Variants in RGS7BP observed in about 807,000 individuals in gnomAD.
The protein encoded by RGS7BP is regulator of G protein signaling 7 binding protein, also known as regulator of G protein signaling 7-binding protein.
Under a neutral mutation model 31.3 loss-of-function variants are expected in RGS7BP, and 9 were observed. The observed-to-expected ratio is 0.29, with a 90% CI of 0.17 to 0.50. The LOEUF (loss-of-function observed/expected upper bound fraction) is 0.50. Ranked by LOEUF, RGS7BP falls within the 20% of genes least tolerant of loss-of-function variation. The probability of loss-of-function intolerance (pLI) is 0.98; values close to 1 mark genes in which losing one functional copy is unlikely to be tolerated. For missense variants in RGS7BP, 274 were observed against 322.0 expected (o/e 0.85, Z 1.14); for synonymous variants, 115 against 120.1 (o/e 0.96, Z 0.28).
At chr5:64,560,158 A>G (rs1742018776) in intron 2 of RGS7BP, among the ~76,000 whole-genome samples, 2 of 152,190 alleles carry the variant, frequency 1.3e-5, no homozygotes, top group South Asian at 4.1e-4. Context: ...CTTTAACCTT[A>G]TGGTACTTTC....
chr5:64,545,033 G>A (rs557567846), intron 2 of RGS7BP, among the ~76,000 whole-genome samples: 26 of 152,072 alleles, frequency 1.7e-4, no homozygotes, highest in East Asian at 1.2e-3. Context: ...AAAGTTAGCC[G>A]GGTGTGGTGG....
At chr5:64,567,339 C>A (rs906783282) in intron 2 of RGS7BP, among the ~76,000 whole-genome samples, 1 of 152,094 alleles carries the variant, frequency 6.6e-6, no homozygotes, top group Non-Finnish European at 1.5e-5. Context: ...TATAACTATA[C>A]AACTTGTCAT....
Position 64,506,273 on chromosome 5 carries a change from G to A in RGS7BP, c.-352G>A. ...CCCACCTGAATGGAAACTCGGAACC[G>A]CCGGGCGGCGCGTTCCTTCTCGCCC... On this transcript the variant is annotated 5_prime_UTR_variant, in exon 1 of 6. Transcript: ENST00000334025. The surrounding 1 kb of genome is among the most constrained non-coding windows in gnomAD (Gnocchi z 4.6). The A allele has an allele frequency of 5.1e-6, 1 of 194,338 alleles. No homozygotes were observed. The highest frequency in any genetic ancestry group is 1.2e-4 in the East Asian group (1 of 8,608). 12.0% of individuals were successfully genotyped at this position (194,338 alleles called of 1,614,324 possible).
chr5:64,560,047 A>G (rs1284848854), intron 2 of RGS7BP, among the ~76,000 whole-genome samples: 1 of 152,152 alleles, frequency 6.6e-6, no homozygotes, highest in Non-Finnish European at 1.5e-5. Context: ...ATTAAGCCAT[A>G]TTACATAGCA....
intron 3 of RGS7BP, among the ~76,000 whole-genome samples, chr5:64,586,561 C>A (rs1742759404): frequency 6.6e-6 from 1 of 152,188 alleles, no homozygotes; most frequent in Non-Finnish European, 1.5e-5. Flanking sequence ...CCAATGCCCA[C>A]TCAATGTGTC....
At chr5:64,535,848 T>A (rs985812384) in intron 2 of RGS7BP, among the ~76,000 whole-genome samples, 1 of 152,312 alleles carries the variant, frequency 6.6e-6, no homozygotes, top group Admixed American at 6.5e-5. Flanking sequence ...CAGCTTAATA[T>A]CAGCTTTGAA....
intron 2 of RGS7BP, among the ~76,000 whole-genome samples, chr5:64,564,301 C>A (rs1742120950): frequency 6.6e-6 from 1 of 152,128 alleles, no homozygotes; most frequent in African/African-American, 2.4e-5. Flanking sequence ...TTTAGAGGAA[C>A]TGAAGCCAAC....
At chr5:64,604,145 C>G (rs974668290) in intron 5 of RGS7BP, among the ~76,000 whole-genome samples, 1 of 152,056 alleles carries the variant, frequency 6.6e-6, no homozygotes, top group Non-Finnish European at 1.5e-5. Flanking sequence ...TCACTTGGAC[C>G]CAAATTCAGG....
intron 2 of RGS7BP, among the ~76,000 whole-genome samples, chr5:64,515,567 G>A (rs936537010): frequency 2.0e-5 from 3 of 152,072 alleles, no homozygotes; most frequent in Non-Finnish European, 4.4e-5. Context: ...GAGTTTGGTT[G>A]TGTCTTATCC....
At chr5:64,609,039 T>C in intron 5 of RGS7BP, 122 bp from the exon 6 acceptor site, 1 of 691,118 alleles carries the variant, frequency 1.4e-6, no homozygotes, top group East Asian at 2.6e-5. Context: ...TGGTCCAAAA[T>C]GCCAACAGTG....
At chr5:64,518,195 AC>A (rs1248838685) in intron 2 of RGS7BP, among the ~76,000 whole-genome samples, 1 of 152,174 alleles carries the variant, frequency 6.6e-6, no homozygotes, top group Admixed American at 6.5e-5. Context: ...AAAATTATAA[AC>A]CTTTTCATCA....
Position 64,506,347 on chromosome 5 carries a change from G to A in RGS7BP, c.-278G>A, listed in dbSNP as rs765902823. The A allele has an allele frequency of 6.1e-6, 2 of 326,470 alleles. No homozygotes were observed. Among genetic ancestry groups the A allele is most frequent in the Admixed American group, 4.8e-5 (1 of 20,882 alleles). 20.2% of individuals were successfully genotyped at this position (326,470 alleles called of 1,614,324 possible). A position where few individuals can be genotyped will look rare whatever the true frequency, so the allele number is the denominator to read the frequency against. ...GAAGGCAGTGCGAGCCCGCGCCAGC[G>A]CCCAGCTCCCGGGACAGGGTCGGCA... On this transcript the variant is annotated 5_prime_UTR_variant, in exon 1 of 6. Transcript: ENST00000334025. This position sits in a 1 kb window ranked among gnomAD's most constrained non-coding sequence, Gnocchi z 4.6.
intron 2 of RGS7BP, among the ~76,000 whole-genome samples, chr5:64,532,817 G>A (rs1749406152): frequency 6.6e-6 from 1 of 151,846 alleles, no homozygotes; most frequent in East Asian, 1.9e-4. Flanking sequence ...AGTGTATTTG[G>A]GTAGCGGAGG....
intron 2 of RGS7BP, among the ~76,000 whole-genome samples, chr5:64,523,833 T>C (rs1749168450): frequency 6.6e-6 from 1 of 152,240 alleles, no homozygotes; most frequent in Non-Finnish European, 1.5e-5. Context: ...GTCAAATTGC[T>C]TGAAAGACCC....
rs181408225 is a variant in RGS7BP at position 64,543,252 on chromosome 5, C to G, written c.333-32522C>G. Among the ~76,000 whole-genome samples the G allele has an allele frequency of 2.5e-3, 382 of 152,328 alleles. 2 individuals carry two copies. Among genetic ancestry groups the G allele is most frequent in the Middle Eastern group, 6.8e-3 (2 of 294 alleles). On this transcript the variant is annotated intron_variant, in intron 2 of 5. Coordinates refer to ENST00000334025, the MANE Select transcript of RGS7BP (RefSeq NM_001029875.3). The stretch of plus-strand genomic sequence containing the variant: ...AATGTTGGGAGCTTACTTTTGTCAA[C>G]ATCAGCCAAGACAGAATCAAAAGTA...
chr5:64,594,759 G>A lies in RGS7BP; in HGVS notation c.513G>A (p.Glu171=), dbSNP rs570310261. 16 of 1,613,792 alleles carry A rather than the reference G, an allele frequency of 9.9e-6. No individual in the cohort carries two copies. The highest frequency in any genetic ancestry group is 6.7e-5 in the East Asian group (3 of 44,842). The change falls in exon 4 of 6, where the codon GAG becomes GAA. Residue 171 remains glutamate (E), a synonymous_variant. Coordinates refer to ENST00000334025, the MANE Select transcript of RGS7BP (RefSeq NM_001029875.3). ...AGAGTTTGGATTGCAAAATTGAGGA[G>A]AGTGCTGAAACACCTGCCCTAGAAG... ...GTKSLDCKIE[E]SAETPALEDS...
chr5:64,512,340 G>A (rs1476048649), intron 2 of RGS7BP, among the ~76,000 whole-genome samples: 1 of 152,092 alleles, frequency 6.6e-6, no homozygotes, highest in Non-Finnish European at 1.5e-5. Context: ...ACTTGCTAAG[G>A]ACATGGGTGA....
chr5:64,560,309 C>T (rs1452030876), intron 2 of RGS7BP, among the ~76,000 whole-genome samples: 1 of 152,022 alleles, frequency 6.6e-6, no homozygotes, highest in South Asian at 2.1e-4. Context: ...AGGCCCCACC[C>T]CTGACCCACT....
chr5:64,514,619 C>T (rs1292218961), intron 2 of RGS7BP, among the ~76,000 whole-genome samples: 1 of 152,154 alleles, frequency 6.6e-6, no homozygotes, highest in Non-Finnish European at 1.5e-5. Context: ...TAGCACTTTT[C>T]TTTAATCAAT....
Sources: gnomAD v4.1 joint callset for allele counts (sites outside exome capture counted in the v4.1 genomes callset) on GRCh38, gnomAD v4.1.1 for gene constraint, Gnocchi (gnomAD v3.1) non-coding constraint, MANE v1.5 for transcripts, NCBI Gene and HGNC (gene_info 2026-07-23, HGNC 2026-07-21) for gene names.